The following ARMH3 variants were observed in gnomAD, a reference collection of about 807,000 sequenced individuals.
The protein encoded by ARMH3 is armadillo like helical domain containing 3, also known as armadillo-like helical domain-containing protein 3.
In ARMH3, 60 loss-of-function variants were observed where a neutral mutation model predicts 99.1. That is an observed-to-expected ratio of 0.61 (90% CI 0.49 to 0.75). The LOEUF (loss-of-function observed/expected upper bound fraction) is 0.75, where lower values mean the gene tolerates loss of function less well. ARMH3 is among the 30% of genes least tolerant of loss of function. ARMH3 has a pLI of 0.00. For missense variants in ARMH3, 679 were observed against 843.1 expected (o/e 0.81, Z 2.41); for synonymous variants, 285 against 292.8 (o/e 0.97, Z 0.27).
chr10:102,044,322 G>A (rs1328691163), intron 1 of ARMH3, among the ~76,000 whole-genome samples: 2 of 151,130 alleles, frequency 1.3e-5, no homozygotes, highest in Admixed American at 6.6e-5. Flanking sequence ...TGATCCACCC[G>A]CCTTGGCCTC....
chr10:101,965,982 T>C (rs1270277476), intron 20 of ARMH3, among the ~76,000 whole-genome samples: 12 of 152,268 alleles, frequency 7.9e-5, no homozygotes, highest in Middle Eastern at 3.4e-3. Context: ...AGATAGAATA[T>C]AGAAGAGTGT....
rs1042506405 is a variant in ARMH3 at position 102,033,382 on chromosome 10, C to A, written c.103-43G>T. On this transcript the variant is annotated intron_variant, in intron 2 of 25. Transcript: ENST00000370033. ...GCACATTCAGCCTTCCCAGCTAACA[C>A]CAAAAGCATTAAGAATACTATACAT... 4 of 1,580,186 alleles carry A rather than the reference C, an allele frequency of 2.5e-6. No individual in the cohort carries two copies. The Admixed American group carries it at 7.4e-5, about 29-fold the overall frequency.
chr10:102,032,968 T>A (rs901554504), intron 4 of ARMH3, 58 bp downstream of exon 4: 4 of 1,584,942 alleles, frequency 2.5e-6, no homozygotes, highest in Non-Finnish European at 3.4e-6. Context: ...TTCAAACAGA[T>A]GTGTTACAAT....
intron 14 of ARMH3, 134 bp downstream of exon 14, chr10:102,006,406 G>A: frequency 1.2e-6 from 1 of 869,110 alleles, no homozygotes. Context: ...TAGGAGGCCT[G>A]AAGGATAGTA....
chr10:102,023,689 C>T lies in ARMH3; in HGVS notation c.568G>A (p.Glu190Lys). 1 of 1,614,030 alleles carries T rather than the reference C, an allele frequency of 6.2e-7. No homozygotes were observed. ...AAGGGACCTACCTGTAAAATTGCTT[C>T]AAATATGCTGTTGATCATTACATAC... is the stretch of plus-strand genomic sequence containing the variant. Reference protein sequence around the residue: ...LEYVMINSIFEAILQILSHPP... With the variant: ...LEYVMINSIFKAILQILSHPP... The change falls in exon 7 of 26, where the codon GAA becomes AAA. Residue 190 changes from glutamate (E) to lysine (K), a missense_variant. Around this residue, in one of 3 missense-constraint regions of ARMH3, gnomAD observed 280 missense variants for 354.6 expected, o/e 0.79. Transcript: ENST00000370033.
chr10:101,876,958 G>A (rs1036555730), intron 24 of ARMH3, among the ~76,000 whole-genome samples: 6 of 151,854 alleles, frequency 4.0e-5, no homozygotes, highest in African/African-American at 1.2e-4. Context: ...CTGTAATCCC[G>A]GCATTTGGAT....
At chr10:102,016,492 T>C (rs1045214180) in intron 8 of ARMH3, among the ~76,000 whole-genome samples, 1 of 152,200 alleles carries the variant, frequency 6.6e-6, no homozygotes, top group Non-Finnish European at 1.5e-5. Flanking sequence ...TTTACATTAT[T>C]ATCACATTCA....
chr10:102,026,182 G>A (rs765221776), intron 5 of ARMH3, among the ~76,000 whole-genome samples: 1 of 152,042 alleles, frequency 6.6e-6, no homozygotes, highest in Non-Finnish European at 1.5e-5. Context: ...ATAAAGAGAA[G>A]ATGAAAAGAA....
At position 101,957,669 on chromosome 10, in the gene ARMH3, A is replaced by ATGT; in HGVS notation, c.1556_1558dup (p.Asn519dup). 6.2e-7 allele frequency: 1 copy of ATGT among 1,611,234 alleles called. No homozygotes were observed. Among genetic ancestry groups the ATGT allele is most frequent in the Non-Finnish European group, 8.5e-7 (1 of 1,179,098 alleles). On this transcript the variant is annotated inframe_insertion, in exon 21 of 26. Transcript: ENST00000370033. ...ACTCACCATAAGGGCTAATGTAAAA[A>ATGT]TGTTGTGTTTGGCCAAAAGTACAGT... is the stretch of plus-strand genomic sequence containing the variant.
At chr10:101,883,053 A>G (rs2067455883) in intron 24 of ARMH3, among the ~76,000 whole-genome samples, 1 of 152,226 alleles carries the variant, frequency 6.6e-6, no homozygotes, top group Non-Finnish European at 1.5e-5. Flanking sequence ...GCAGACCTCT[A>G]GCACGTACGT....
In ARMH3 at chr10:102,023,471, A is replaced by T; in HGVS notation, c.669+6T>A. The T allele has an allele frequency of 6.2e-7, 1 of 1,612,034 alleles. No individual in the cohort carries two copies. The highest frequency in any genetic ancestry group is 8.5e-7 in the Non-Finnish European group (1 of 1,178,286). On this transcript the variant is annotated splice_donor_region_variant and intron_variant, in intron 8 of 25. Transcript: ENST00000370033. ...ATAACAACTGTCCACTAAGGAGCCC[A>T]GTTACCTCATATTTTCTATAGTTCA...
At chr10:101,886,502 T>C (rs937808106) in intron 24 of ARMH3, among the ~76,000 whole-genome samples, 8 of 152,018 alleles carry the variant, frequency 5.3e-5, no homozygotes, top group African/African-American at 1.9e-4. Context: ...AGAGTGAGAC[T>C]CTGTCTCAAA....
chr10:102,035,515 T>C (rs1018607542), intron 2 of ARMH3, among the ~76,000 whole-genome samples: 4 of 152,244 alleles, frequency 2.6e-5, no homozygotes, highest in African/African-American at 9.6e-5. Context: ...CTGATTCTCC[T>C]GCCTCAGCCT....
At chr10:102,016,989 A>C (rs1192901900) in intron 8 of ARMH3, among the ~76,000 whole-genome samples, 1 of 152,140 alleles carries the variant, frequency 6.6e-6, no homozygotes, top group Non-Finnish European at 1.5e-5. Context: ...TATCACTTTT[A>C]TTGCTTAAGT....
intron 11 of ARMH3, among the ~76,000 whole-genome samples, 172 bp from the exon 12 acceptor site, chr10:102,010,195 A>G (rs1427879953): frequency 6.6e-6 from 1 of 152,192 alleles, no homozygotes; most frequent in Non-Finnish European, 1.5e-5. Context: ...AAAATCTTAA[A>G]AGACTCATAA....
intron 23 of ARMH3, among the ~76,000 whole-genome samples, chr10:101,900,553 A>T (rs1308191898): frequency 6.6e-6 from 1 of 152,188 alleles, no homozygotes; most frequent in Non-Finnish European, 1.5e-5. Context: ...ATGAGACAAA[A>T]ACCTGAAATA....
chr10:101,988,404 T>C (rs991965792), intron 19 of ARMH3, among the ~76,000 whole-genome samples: 1 of 152,172 alleles, frequency 6.6e-6, no homozygotes, highest in Non-Finnish European at 1.5e-5. Flanking sequence ...AACCCTAAGA[T>C]AATGAAGTTC....
intron 19 of ARMH3, among the ~76,000 whole-genome samples, chr10:101,986,653 C>T (rs1249281243): frequency 6.6e-6 from 1 of 152,092 alleles, no homozygotes; most frequent in Non-Finnish European, 1.5e-5. Flanking sequence ...ATTTCTCATT[C>T]TGCTGTATAC....
chr10:101,940,757 G>A (rs530481392), intron 22 of ARMH3, among the ~76,000 whole-genome samples: 1 of 152,190 alleles, frequency 6.6e-6, no homozygotes, highest in African/African-American at 2.4e-5. Flanking sequence ...CTACAAGAAC[G>A]TTCTTCCCTT....
Sources: gnomAD v4.1 joint callset for allele counts (sites outside exome capture counted in the v4.1 genomes callset) on GRCh38, gnomAD v4.1.1 for gene constraint, gnomAD v4.1.1 regional missense constraint, MANE v1.5 for transcripts, NCBI Gene and HGNC (gene_info 2026-07-23, HGNC 2026-07-21) for gene names.